NF1: variants seen among roughly 807,000 people sequenced by gnomAD.
NF1 encodes neurofibromin 1.
In NF1, 122 loss-of-function variants were observed where a neutral mutation model predicts 325.7. The observed-to-expected ratio is 0.37, with a 90% CI of 0.32 to 0.44. NF1 has a LOEUF of 0.44. NF1 is among the 20% of genes least tolerant of loss of function. The pLI is 1.00. For synonymous variants in NF1, 1,091 were observed against 1,186.0 expected (o/e 0.92, Z 1.65); for missense variants, 2,140 against 3,415.4 (o/e 0.63, Z 9.31).
rs2069868799 is a variant in NF1 at position 31,343,095 on chromosome 17, C to T, written c.7149C>T (p.Asn2383=). 6.2e-7 allele frequency: 1 copy of T among 1,613,810 alleles called. No individual in the cohort carries two copies. The highest frequency in any genetic ancestry group is 1.3e-5 in the African/African-American group (1 of 74,894). The change falls in exon 48 of 58, where the codon AAC becomes AAT. Residue 2383 remains asparagine, a synonymous_variant. Coordinates refer to ENST00000358273, the MANE Select transcript of NF1 (RefSeq NM_001042492.3). ...QMDHFVGLNF[N]SNFNFALVGH... ...ATCATTTTGTTGGACTCAATTTCAA[C>T]TCTAACTTTAACTTTGCATTGGTTG...
intron 36 of NF1, among the ~76,000 whole-genome samples, chr17:31,317,172 G>T (rs1441913071): frequency 6.6e-6 from 1 of 152,080 alleles, no homozygotes; most frequent in East Asian, 1.9e-4. Context: ...TAAGGGATGA[G>T]ATTTTTGAAA....
At chr17:31,195,742 T>C (rs889907582) in intron 8 of NF1, among the ~76,000 whole-genome samples, 5 of 152,144 alleles carry the variant, frequency 3.3e-5, no homozygotes, top group African/African-American at 1.2e-4. Flanking sequence ...TTCATCCATG[T>C]TGTAGCATGT....
chr17:31,269,831 A>G (rs1340895975), intron 36 of NF1, among the ~76,000 whole-genome samples: 2 of 152,204 alleles, frequency 1.3e-5, no homozygotes, highest in African/African-American at 2.4e-5. Flanking sequence ...GTCACATGCC[A>G]TTCCTAAGGC....
chr17:31,205,249 A>T (rs938844955), intron 11 of NF1, among the ~76,000 whole-genome samples: 1 of 152,124 alleles, frequency 6.6e-6, no homozygotes, highest in African/African-American at 2.4e-5. Flanking sequence ...AATAAGAAAA[A>T]ATCTGGGACT....
chr17:31,175,928 G>A (rs1567823505), intron 5 of NF1, among the ~76,000 whole-genome samples: 1 of 152,138 alleles, frequency 6.6e-6, no homozygotes, highest in Non-Finnish European at 1.5e-5. Context: ...ATCATTGATG[G>A]GCATTTGGAT....
chr17:31,306,397 T>G (rs776707688), intron 36 of NF1, among the ~76,000 whole-genome samples: 5 of 152,134 alleles, frequency 3.3e-5, no homozygotes, highest in African/African-American at 4.8e-5. Context: ...ATTTTATATA[T>G]ATAGATAGAT....
intron 36 of NF1, among the ~76,000 whole-genome samples, chr17:31,285,370 T>C (rs1237467438): frequency 6.6e-6 from 1 of 151,932 alleles, no homozygotes; most frequent in Non-Finnish European, 1.5e-5. Flanking sequence ...AGAGTCACCT[T>C]TGGAGGTGAT....
intron 36 of NF1, chr17:31,299,432 G>A (rs2068530656): frequency 6.6e-6 from 1 of 151,972 alleles, no homozygotes; most frequent in Non-Finnish European, 1.5e-5. Context: ...AGGCTGTCTA[G>A]GTCAGTAATG....
intron 36 of NF1, chr17:31,295,447 TACC>T (rs1295401555): frequency 6.2e-7 from 1 of 1,614,046 alleles, no homozygotes; most frequent in Non-Finnish European, 8.5e-7. Context: ...TGGGTTGAGT[TACC>T]ACACTCAGAG....
At chr17:31,170,818 G>A (rs1018423495) in intron 5 of NF1, among the ~76,000 whole-genome samples, 1 of 152,106 alleles carries the variant, frequency 6.6e-6, no homozygotes, top group Non-Finnish European at 1.5e-5. Flanking sequence ...AACTGAGTAT[G>A]AATATCTAAA....
At chr17:31,341,689 G>A (rs1305306455) in intron 47 of NF1, among the ~76,000 whole-genome samples, 1 of 148,782 alleles carries the variant, frequency 6.7e-6, no homozygotes, top group African/African-American at 2.5e-5. Flanking sequence ...TGCTAATGGG[G>A]TGTGTGTGTG....
At chr17:31,213,001 A>G (rs1363062216) in intron 12 of NF1, among the ~76,000 whole-genome samples, 1 of 152,216 alleles carries the variant, frequency 6.6e-6, no homozygotes, top group Non-Finnish European at 1.5e-5. Context: ...ATGATTCTTA[A>G]GGAAAAATTC....
intron 36 of NF1, among the ~76,000 whole-genome samples, chr17:31,268,834 G>A (rs1029160489): frequency 2.0e-5 from 3 of 151,756 alleles, no homozygotes; most frequent in African/African-American, 7.3e-5. Flanking sequence ...AAGTAGCTGG[G>A]ACAACAGGTG....
chr17:31,299,069 G>A (rs2068522256), intron 36 of NF1, among the ~76,000 whole-genome samples: 1 of 152,002 alleles, frequency 6.6e-6, no homozygotes, highest in Admixed American at 6.6e-5. Context: ...TAGTGGCAAT[G>A]TTTCTCATTT....
intron 31 of NF1, 137 bp downstream of exon 31, chr17:31,253,137 G>T (rs1786245947): frequency 1.5e-6 from 1 of 689,046 alleles, no homozygotes; most frequent in African/African-American, 1.8e-5. Context: ...GCACAAAATA[G>T]CTTTCATTTC....
chr17:31,284,550 G>T (rs1357962480), intron 36 of NF1, among the ~76,000 whole-genome samples: 2 of 152,040 alleles, frequency 1.3e-5, no homozygotes, highest in Non-Finnish European at 2.9e-5. Flanking sequence ...CTCCCAAAAT[G>T]CTGGGATTAC....
chr17:31,220,278 T>C (rs2012988), intron 14 of NF1, among the ~76,000 whole-genome samples: 81,565 of 152,054 alleles, frequency 0.54, 25,743 homozygotes, highest in Middle Eastern at 0.76. Context: ...CCAGTAAAAA[T>C]GTTTATAAAA....
At chr17:31,337,658 A>G in intron 43 of NF1, 76 bp downstream of exon 43, 1 of 1,451,814 alleles carries the variant, frequency 6.9e-7, no homozygotes, top group East Asian at 2.5e-5. Context: ...TAGAAGAAAT[A>G]TTGGTTTATT....
chr17:31,101,052 C>T (rs987872861), intron 1 of NF1, among the ~76,000 whole-genome samples: 1 of 151,686 alleles, frequency 6.6e-6, no homozygotes, highest in South Asian at 2.1e-4. Context: ...GCAGCTCTCT[C>T]TCTGTGGACC....
Sources: allele counts gnomAD v4.1 joint callset (sites outside exome capture counted in the v4.1 genomes callset), GRCh38; gene constraint gnomAD v4.1.1; transcripts MANE v1.5; gene names NCBI Gene and HGNC (gene_info 2026-07-23, HGNC 2026-07-21).